C12orf42: variants seen among roughly 807,000 people sequenced by gnomAD.
The protein encoded by C12orf42 is chromosome 12 open reading frame 42.
Under a neutral mutation model 21.6 loss-of-function variants are expected in C12orf42, and 25 were observed. The observed-to-expected ratio is 1.16, with a 90% CI of 0.84 to 1.62. The LOEUF is 1.62. C12orf42 is among the 40% of genes most tolerant of loss of function. The probability of loss-of-function intolerance (pLI) is 0.00; values close to 1 mark genes in which losing one functional copy is unlikely to be tolerated. For missense variants in C12orf42, 483 were observed against 459.3 expected (o/e 1.05, Z -0.47); for synonymous variants, 174 against 175.0 (o/e 0.99, Z 0.05).
chr12:103,068,415 CT>C, the C12orf42 span, among the ~76,000 whole-genome samples: 1 of 152,012 alleles, frequency 6.6e-6, no homozygotes, highest in Non-Finnish European at 1.5e-5. Flanking sequence ...TTATTATTGT[CT>C]TTACTTGAAG....
chr12:103,176,964 TA>T, the C12orf42 span, among the ~76,000 whole-genome samples: 85 of 147,432 alleles, frequency 5.8e-4, no homozygotes, highest in Admixed American at 2.1e-3. Flanking sequence ...AAGCCAGCCA[TA>T]AAAAAAAAAA....
chr12:103,099,797 T>G, the C12orf42 span, among the ~76,000 whole-genome samples: 1 of 152,196 alleles, frequency 6.6e-6, no homozygotes, highest in Non-Finnish European at 1.5e-5. Flanking sequence ...AACCCTAATA[T>G]AGATTAGAAA....
At chr12:103,309,232 C>T (rs1213723983) in intron 4 of C12orf42, among the ~76,000 whole-genome samples, 6 of 152,132 alleles carry the variant, frequency 3.9e-5, no homozygotes, top group African/African-American at 1.4e-4. Context: ...TTTTCTTCTG[C>T]CTCTGCCACC....
At chr12:103,122,626 A>T in the C12orf42 span, among the ~76,000 whole-genome samples, 1 of 152,200 alleles carries the variant, frequency 6.6e-6, no homozygotes, top group Non-Finnish European at 1.5e-5. Context: ...TCATACAGCT[A>T]TCTTCAGAAA....
intron 1 of C12orf42, among the ~76,000 whole-genome samples, chr12:103,481,887 G>A (rs1352447411): frequency 6.6e-6 from 1 of 150,976 alleles, no homozygotes; most frequent in Non-Finnish European, 1.5e-5. Flanking sequence ...CTACGTCTTG[G>A]AAGTTATTCA....
intron 2 of C12orf42, among the ~76,000 whole-genome samples, chr12:103,470,349 G>A (rs1162214939): frequency 6.6e-6 from 1 of 152,072 alleles, no homozygotes; most frequent in Non-Finnish European, 1.5e-5. Flanking sequence ...AGTATCACTA[G>A]GAAGCTCAGT....
At chr12:103,203,265 T>A in the C12orf42 span, among the ~76,000 whole-genome samples, 1 of 152,182 alleles carries the variant, frequency 6.6e-6, no homozygotes, top group Non-Finnish European at 1.5e-5. Context: ...TTGCCCCTGA[T>A]CCCCAATCCC....
At chr12:103,179,797 G>A in the C12orf42 span, among the ~76,000 whole-genome samples, 42,574 of 152,118 alleles carry the variant, frequency 0.28, 6,833 homozygotes, top group Non-Finnish European at 0.37. Flanking sequence ...AATTCAGAAT[G>A]ACGGATTTGG....
At chr12:103,538,417 C>T in the C12orf42 span, among the ~76,000 whole-genome samples, 1 of 152,202 alleles carries the variant, frequency 6.6e-6, no homozygotes, top group East Asian at 1.9e-4. Flanking sequence ...TCCACGTTTT[C>T]CTCTGTCTCA....
At chr12:103,425,536 AG>A (rs559594942) in intron 2 of C12orf42, among the ~76,000 whole-genome samples, 105 of 152,336 alleles carry the variant, frequency 6.9e-4, no homozygotes, top group African/African-American at 2.4e-3. Flanking sequence ...GGTGATACTC[AG>A]GCAAACAGGG....
At chr12:103,184,585 A>G in the C12orf42 span, among the ~76,000 whole-genome samples, 1 of 152,088 alleles carries the variant, frequency 6.6e-6, no homozygotes, top group African/African-American at 2.4e-5. Context: ...TGCTCTGTAT[A>G]TGAGAAACAA....
chr12:103,116,381 A>AATATATATAT, the C12orf42 span, among the ~76,000 whole-genome samples: 8 of 136,710 alleles, frequency 5.9e-5, no homozygotes, highest in African/African-American at 1.9e-4. Context: ...AAAAAAAAAA[A>AATATATATAT]ATATATATAT....
chr12:103,364,980 T>C lies in C12orf42; in HGVS notation c.259+3907A>G, dbSNP rs151208046. On this transcript the variant is annotated intron_variant, in intron 4 of 5. Transcript: ENST00000548883. ...AGGGAATCCTCCCTAAATCATTCTA[T>C]GAAGCCAGTAGCACCCTAATATGAA... 4.7e-3 allele frequency among the ~76,000 whole-genome samples: 722 copies of C among 152,086 alleles called. 4 individuals are homozygous for C. Among genetic ancestry groups the C allele is most frequent in the African/African-American group, 0.016 (677 of 41,516 alleles).
intron 2 of C12orf42, among the ~76,000 whole-genome samples, chr12:103,412,599 G>A (rs975145105): frequency 9.9e-5 from 15 of 152,194 alleles, no homozygotes; most frequent in African/African-American, 3.6e-4. Context: ...AACCTGGGAG[G>A]CAGAGGTTGG....
rs1032195426 is a variant in C12orf42 at position 103,241,205 on chromosome 12, C to T, written c.*1367-3303G>A. Among the ~76,000 whole-genome samples the T allele has an allele frequency of 3.4e-5, 5 of 147,892 alleles. No individual in the cohort carries two copies. In the South Asian group the frequency reaches 1.1e-3, roughly 32 times the overall value. ...GTTTAAAAAAAAAAAAAAAAGAAAACATTTTATTAGGTTTTTCTCCCTGAG... is the reference window on the plus strand; with the variant it reads ...GTTTAAAAAAAAAAAAAAAAGAAAATATTTTATTAGGTTTTTCTCCCTGAG... On this transcript the variant is annotated intron_variant and NMD_transcript_variant, in intron 10 of 10. Coordinates refer to the C12orf42 transcript ENST00000547347.
the C12orf42 span, among the ~76,000 whole-genome samples, chr12:103,192,751 A>G: frequency 6.6e-6 from 1 of 152,222 alleles, no homozygotes; most frequent in Non-Finnish European, 1.5e-5. Context: ...GAAAGCGAAG[A>G]TTGATATATC....
At chr12:103,301,335 G>GA (rs537409856), downstream of C12orf42, among the ~76,000 whole-genome samples, 8 of 151,884 alleles carry the variant, frequency 5.3e-5, no homozygotes, top group East Asian at 1.9e-4. Context: ...TTCTGAAGGG[G>GA]AAAAAAACCC....
chr12:103,169,095 C>T, the C12orf42 span, among the ~76,000 whole-genome samples: 1 of 151,702 alleles, frequency 6.6e-6, no homozygotes, highest in Admixed American at 6.6e-5. Flanking sequence ...ACCACCATGG[C>T]ATGTGTATAC....
chr12:103,440,568 T>C (rs971062752), intron 2 of C12orf42, among the ~76,000 whole-genome samples: 1 of 150,402 alleles, frequency 6.6e-6, no homozygotes, highest in African/African-American at 2.4e-5. Context: ...TAAATTAACA[T>C]TTGTTATTAT....
Sources: allele counts gnomAD v4.1 joint callset (sites outside exome capture counted in the v4.1 genomes callset), GRCh38; gene constraint gnomAD v4.1.1; transcripts MANE v1.5; gene names NCBI Gene and HGNC (gene_info 2026-07-23, HGNC 2026-07-21).